Variants in NFKB1 observed in about 807,000 individuals in gnomAD.
NFKB1 encodes nuclear factor kappa B subunit 1.
In NFKB1, 9 loss-of-function variants were observed where a neutral mutation model predicts 105.1. The observed-to-expected ratio is 0.09, with a 90% CI of 0.05 to 0.15. The LOEUF (loss-of-function observed/expected upper bound fraction) is 0.15, where lower values mean the gene tolerates loss of function less well. Ranked by LOEUF, NFKB1 falls within the 10% of genes least tolerant of loss-of-function variation. NFKB1 has a pLI of 1.00. For synonymous variants in NFKB1, 440 were observed against 442.2 expected, an observed-to-expected ratio of 1.00 and a Z score of 0.06; for missense variants, 830 against 1,203.7, an observed-to-expected ratio of 0.69 and a Z score of 4.59.
chr4:102,519,924 ACTT>A (rs1380620998), intron 1 of NFKB1, among the ~76,000 whole-genome samples: 1 of 152,182 alleles, frequency 6.6e-6, no homozygotes, highest in Non-Finnish European at 1.5e-5. Flanking sequence ...AGTAAAGTTT[ACTT>A]CTTTCTCCAT....
rs748858258 is a variant in NFKB1 at position 102,521,339 on chromosome 4, AGAAATGAT to A, written c.-7-4168_-7-4161del. ...TCTTTATCAGTTTATTAGCCAGCAG[AGAAATGAT>A]GAAAAGCCACCCCTTTTCTTGTAGT... On this transcript the variant is annotated intron_variant, in intron 1 of 23. Transcript: ENST00000226574. Among the ~76,000 whole-genome samples the A allele has an allele frequency of 5.3e-3, 802 of 152,308 alleles. 5 individuals carry two copies. The highest frequency in any genetic ancestry group is 8.3e-3 in the Non-Finnish European group (567 of 68,028).
At chr4:102,523,680 G>A (rs376795060) in intron 1 of NFKB1, among the ~76,000 whole-genome samples, 1 of 152,096 alleles carries the variant, frequency 6.6e-6, no homozygotes, top group South Asian at 2.1e-4. Flanking sequence ...CATTGTTCAG[G>A]GATCCTCATT....
rs530675821 is a variant in NFKB1, at chr4:102,572,244, A to G, written c.408-4632A>G. On this transcript the variant is annotated intron_variant, in intron 6 of 23. Transcript: ENST00000226574. ...CAAACTATCGCAAGGACAGAAAACCAAACACTGCATGTTCTCACTCATAGG... is the reference window on the plus strand; with the variant it reads ...CAAACTATCGCAAGGACAGAAAACCGAACACTGCATGTTCTCACTCATAGG... Among the ~76,000 whole-genome samples the G allele has an allele frequency of 7.5e-4, 113 of 150,750 alleles. 2 individuals are homozygous for G. The South Asian group carries it at 0.024, about 32-fold the overall frequency.
At position 102,501,740 on chromosome 4, in the gene NFKB1, A is replaced by G. The variant is rs1739036273; in HGVS notation, c.-56A>G. Reference sequence around the variant, plus strand: ...AGCCGGCAGGCCCGCGCCGCTTAGGAGGGAGAGCCCACCCGCGCCAGGAGG... The same window carrying G: ...AGCCGGCAGGCCCGCGCCGCTTAGGGGGGAGAGCCCACCCGCGCCAGGAGG... On this transcript the variant is annotated 5_prime_UTR_variant, in exon 1 of 24. Coordinates refer to ENST00000226574, the MANE Select transcript of NFKB1 (RefSeq NM_003998.4). 6.6e-6 allele frequency: 1 copy of G among 152,054 alleles called. No homozygotes were observed. The highest frequency in any genetic ancestry group is 6.5e-5 in the Admixed American group (1 of 15,272). The allele number at this position is 152,054 out of a possible 1,614,324, so 9.4% of individuals were successfully genotyped here. A position where few individuals can be genotyped will look rare whatever the true frequency, so the allele number is the denominator to read the frequency against.
At chr4:102,517,477 A>G (rs1340041491) in intron 1 of NFKB1, among the ~76,000 whole-genome samples, 1 of 152,154 alleles carries the variant, frequency 6.6e-6, no homozygotes, top group Non-Finnish European at 1.5e-5. Context: ...AAACAAAAAC[A>G]AAAAAACCAG....
At chr4:102,615,792 A>G (rs936077900) in intron 23 of NFKB1, among the ~76,000 whole-genome samples, 2 of 152,240 alleles carry the variant, frequency 1.3e-5, no homozygotes, top group South Asian at 2.1e-4. Flanking sequence ...AATTTGGTAC[A>G]TAAGAAGATA....
intron 5 of NFKB1, among the ~76,000 whole-genome samples, chr4:102,566,084 T>C (rs1285252812): frequency 6.6e-6 from 1 of 152,192 alleles, no homozygotes; most frequent in African/African-American, 2.4e-5. Context: ...AGTGTGACTT[T>C]AGTCTTGGCA....
chr4:102,577,846 GTCT>G (rs1418190905), intron 7 of NFKB1: 2 of 985,122 alleles, frequency 2.0e-6, no homozygotes, highest in African/African-American at 3.5e-5. Context: ...ACTTATAGTA[GTCT>G]TCTCCCTGGT....
At chr4:102,551,367 T>TGTATGTGCGC (rs370790173) in intron 5 of NFKB1, among the ~76,000 whole-genome samples, 1 of 150,094 alleles carries the variant, frequency 6.7e-6, no homozygotes, top group Non-Finnish European at 1.5e-5. Flanking sequence ...TGTGTGTGTG[T>TGTATGTGCGC]GCGCGCGCGC....
intron 11 of NFKB1, among the ~76,000 whole-genome samples, chr4:102,589,181 C>T (rs898342894): frequency 5.9e-5 from 9 of 152,136 alleles, no homozygotes; most frequent in African/African-American, 2.2e-4. Flanking sequence ...TATCTCTCTG[C>T]TTTAAAAGGT....
At chr4:102,579,151 C>A in intron 8 of NFKB1, 112 bp downstream of exon 8, 1 of 1,031,778 alleles carries the variant, frequency 9.7e-7, no homozygotes, top group Non-Finnish European at 1.4e-6. Flanking sequence ...CTTTAAGCCT[C>A]AGCTTTATCA....
At chr4:102,597,685 A>T in intron 15 of NFKB1, 24 bp downstream of exon 15, 1 of 1,600,620 alleles carries the variant, frequency 6.2e-7, no homozygotes, top group South Asian at 1.1e-5. Flanking sequence ...TTTGCATGAT[A>T]GGTTGTCCTG....
intron 1 of NFKB1, among the ~76,000 whole-genome samples, chr4:102,504,492 G>A (rs1202602489): frequency 6.6e-6 from 1 of 152,194 alleles, no homozygotes. Flanking sequence ...TAGTGGGATT[G>A]TTATATTAGA....
chr4:102,596,937 C>T (rs941816232), intron 14 of NFKB1, among the ~76,000 whole-genome samples: 8 of 151,658 alleles, frequency 5.3e-5, no homozygotes, highest in African/African-American at 1.7e-4. Context: ...TTTTTACACC[C>T]CTTTAAAAAT....
intron 5 of NFKB1, among the ~76,000 whole-genome samples, chr4:102,564,019 C>T (rs1182713932): frequency 6.6e-6 from 1 of 151,826 alleles, no homozygotes; most frequent in Non-Finnish European, 1.5e-5. Context: ...AGGGCTTCAC[C>T]ATGTTGGCCA....
chr4:102,569,543 T>C (rs112206280), intron 6 of NFKB1, among the ~76,000 whole-genome samples: 2 of 152,238 alleles, frequency 1.3e-5, no homozygotes, highest in African/African-American at 4.8e-5. Flanking sequence ...GACTTGTCAA[T>C]ACTAGAAATG....
At chr4:102,599,995 C>T (rs767984513) in intron 15 of NFKB1, among the ~76,000 whole-genome samples, 1 of 152,168 alleles carries the variant, frequency 6.6e-6, no homozygotes, top group Non-Finnish European at 1.5e-5. Flanking sequence ...TTCCTTCTAT[C>T]ATTCTTATTT....
chr4:102,551,625 G>A (rs902592941), intron 5 of NFKB1, among the ~76,000 whole-genome samples: 1 of 152,116 alleles, frequency 6.6e-6, no homozygotes, highest in Non-Finnish European at 1.5e-5. Context: ...GTGAGATGCT[G>A]GAGATCCCTG....
chr4:102,616,436 G>A lies in NFKB1; in HGVS notation c.2752G>A (p.Glu918Lys), dbSNP rs766860802. ...SPASTRQQID[E>K]LRDSDSVCDS... The stretch of plus-strand genomic sequence containing the variant: ...GAATTTGTGCTTTCTCCCCTCAGAC[G>A]AGCTCCGAGACAGTGACAGTGTCTG... Residue 918 changes from glutamate to lysine, a missense_variant and splice_region_variant, in exon 24 of 24, where the codon GAG becomes AAG. Glu to Lys is a moderately conservative substitution (Grantham distance 56). Transcript: ENST00000226574. 15 of 1,613,614 alleles carry A rather than the reference G, an allele frequency of 9.3e-6. No homozygotes were observed. The highest frequency in any genetic ancestry group is 2.2e-5 in the South Asian group (2 of 91,048).
Sources: gnomAD v4.1 joint callset for allele counts (sites outside exome capture counted in the v4.1 genomes callset) on GRCh38, gnomAD v4.1.1 for gene constraint, MANE v1.5 for transcripts, NCBI Gene and HGNC (gene_info 2026-07-23, HGNC 2026-07-21) for gene names.